SLC35G5: variants seen among roughly 807,000 people sequenced by gnomAD.
SLC35G5 encodes the protein acyl-malonyl condensing enzyme 1-like 2.
SLC35G5 carries 14 observed loss-of-function variants against 17.6 expected under a neutral mutation model. That is an observed-to-expected ratio of 0.79 (90% CI 0.52 to 1.24). The LOEUF is 1.24. Ranked by LOEUF, SLC35G5 falls within the 50% of genes most tolerant of loss-of-function variation. The pLI is 0.00. For synonymous variants in SLC35G5, 236 were observed against 194.9 expected (o/e 1.21, Z -1.76); for missense variants, 541 against 430.3 (o/e 1.26, Z -2.28).
At position 11,332,293 on chromosome 8, in the gene SLC35G5, A is replaced by G; in HGVS notation, c.*170A>G. On this transcript the variant is annotated 3_prime_UTR_variant, in exon 1 of 1. Transcript: ENST00000382435. ...ATTGAGATGTTCAGTTATAATAAAA[A>G]TATCACAAAGCATGCAAACAAATGA... 8.7e-7 allele frequency: 1 copy of G among 1,151,048 alleles called. No homozygotes were observed. Among genetic ancestry groups the G allele is most frequent in the South Asian group, 2.1e-5 (1 of 46,922 alleles). 71.3% of individuals were successfully genotyped at this position (1,151,048 alleles called of 1,614,324 possible).
In SLC35G5 at chr8:11,332,119, A is replaced by T. The variant is rs778501917; in HGVS notation, c.1013A>T (p.Glu338Val). 4 of 1,611,804 alleles carry T rather than the reference A, an allele frequency of 2.5e-6. No individual in the cohort carries two copies. The South Asian group carries it at 4.4e-5, about 18-fold the overall frequency. The change falls in exon 1 of 1, where the codon GAG becomes GTG. Residue 338 changes from glutamate to valine, a missense_variant. Glu to Val is a moderately radical substitution (Grantham distance 121). Coordinates refer to ENST00000382435, the MANE Select transcript of SLC35G5 (RefSeq NM_054028.2). ...TGTGAGAGGACAGGGAAGGTGGAGG[A>T]GTGAGATAGAACTTGGGAGCCCGGG... The part of the protein sequence containing the change: ...LSCERTGKVE[E>V]
chr8:11,332,026 T>C lies in SLC35G5; in HGVS notation c.920T>C (p.Leu307Pro), dbSNP rs12681991. 758,314 of 1,560,850 alleles carry C rather than the reference T, an allele frequency of 0.49. 184,105 individuals carry two copies. The highest frequency in any genetic ancestry group is 0.73 in the East Asian group (32,081 of 44,212). ...QYYMLHETVA[L>P]SDIMGAGVVL... The stretch of plus-strand genomic sequence containing the variant: ...TATATGCTCCATGAGACTGTGGCAC[T>C]TTCTGACATCATGGGGGCAGGGGTT... Residue 307 changes from leucine (L) to proline (P), a missense_variant, in exon 1 of 1, where the codon CTT (leucine) becomes CCT (proline). By Grantham distance (98) the Leu-to-Pro change is moderately conservative. Coordinates refer to ENST00000382435, the MANE Select transcript of SLC35G5 (RefSeq NM_054028.2).
rs74302405 is a variant in SLC35G5 at position 11,332,197 on chromosome 8, T to G, written c.*74T>G. The G allele has an allele frequency of 0.047, 70,785 of 1,512,292 alleles. 3,384 individuals carry two copies. Among genetic ancestry groups the G allele is most frequent in the Admixed American group, 0.25 (10,403 of 41,680 alleles). The allele number at this position is 1,512,292 out of a possible 1,614,324, so 93.7% of individuals were successfully genotyped here. A position where few individuals can be genotyped will look rare whatever the true frequency, so the allele number is the denominator to read the frequency against. On this transcript the variant is annotated 3_prime_UTR_variant, in exon 1 of 1. Transcript: ENST00000382435. ...ACAAAGACTGAAGACAAAAAAAAAA[T>G]AAAAGAAAAAAAATAATTATAATAA...
chr8:11,332,254 T>C lies in SLC35G5; in HGVS notation c.*131T>C, dbSNP rs1801267226. The C allele has an allele frequency of 1.5e-6, 2 of 1,369,846 alleles. No homozygotes were observed. The highest frequency in any genetic ancestry group is 2.5e-5 in the East Asian group (1 of 39,770). 84.9% of individuals were successfully genotyped at this position (1,369,846 alleles called of 1,614,324 possible). A position where few individuals can be genotyped will look rare whatever the true frequency, so the allele number is the denominator to read the frequency against. On this transcript the variant is annotated 3_prime_UTR_variant, in exon 1 of 1. Transcript: ENST00000382435. ...GGAAAGAGTGAAAGTCTAACTTCCA[T>C]AGCACATTATAATATTGAGATGTTC...
rs200249821 is a variant in SLC35G5, at chr8:11,331,179, C to G, written c.73C>G (p.Leu25Val). 6.2e-7 allele frequency: 1 copy of G among 1,613,600 alleles called. No homozygotes were observed. Among genetic ancestry groups the G allele is most frequent in the Admixed American group, 1.7e-5 (1 of 59,950 alleles). ...ATCGCCGCCCTCCGCTCCACCCAGC[C>G]TCCGCTGGCACCAGCGCTGCCAGCC... ...HPSPPSAPPS[L>V]RWHQRCQPSG... The change falls in exon 1 of 1, where the codon CTC becomes GTC. Residue 25 changes from leucine (L) to valine (V), a missense_variant. Leu to Val is a conservative substitution (Grantham distance 32). Coordinates refer to ENST00000382435, the MANE Select transcript of SLC35G5 (RefSeq NM_054028.2).
In SLC35G5 at chr8:11,331,644, CT is replaced by C; in HGVS notation, c.539del (p.Leu180HisfsTer72). Reference protein sequence around the residue: ...IIILGPGLWTLQEGTTGVYTT... With the variant: ...IIILGPGLWTXQEGTTGVYTT... ...CATTCTGGGACCTGGACTCTGGACA[CT>C]ACAGGAGGGGACCACAGGTGTCTAC... On this transcript the variant is annotated frameshift_variant, in exon 1 of 1. Transcript: ENST00000382435. LOFTEE classifies it high-confidence loss of function. 3.1e-6 allele frequency: 5 copies of C among 1,612,216 alleles called. No individual in the cohort carries two copies. The highest frequency in any genetic ancestry group is 1.3e-5 in the African/African-American group (1 of 74,830).
Position 11,331,817 on chromosome 8 carries a change from C to T in SLC35G5, c.711C>T (p.Gly237=). 4 of 1,611,882 alleles carry T rather than the reference C, an allele frequency of 2.5e-6. No homozygotes were observed. Among genetic ancestry groups the T allele is most frequent in the Non-Finnish European group, 3.4e-6 (4 of 1,179,822 alleles). Residue 237 remains glycine (G), a synonymous_variant, in exon 1 of 1, where the codon GGC becomes GGT. Coordinates refer to ENST00000382435, the MANE Select transcript of SLC35G5 (RefSeq NM_054028.2). ...TGGGGCTGCTGGGCTGTGTGCCAGGCCTCTTTGTGCTGCAGACCCCCGTGT... is the reference window on the plus strand; with the variant it reads ...TGGGGCTGCTGGGCTGTGTGCCAGGTCTCTTTGTGCTGCAGACCCCCGTGT... ...GLVGLLGCVP[G]LFVLQTPVLP...
Position 11,331,962 on chromosome 8 carries a change from C to G in SLC35G5, c.856C>G (p.Leu286Val). The change falls in exon 1 of 1, where the codon CTG becomes GTG. Residue 286 changes from leucine to valine, a missense_variant. Leu to Val is a conservative substitution (Grantham distance 32). Transcript: ENST00000382435. ...KAHPALVCAV[L>V]HSEVVVALIL... ...CCACCCTGCCCTGGTGTGCGCTGTCCTGCATTCCGAGGTGGTTGTGGCCCT... is the reference window on the plus strand; with the variant it reads ...CCACCCTGCCCTGGTGTGCGCTGTCGTGCATTCCGAGGTGGTTGTGGCCCT... The G allele has an allele frequency of 6.2e-7, 1 of 1,612,020 alleles. No individual in the cohort carries two copies.
Position 11,332,213 on chromosome 8 carries a change from A to G in SLC35G5, c.*90A>G. On this transcript the variant is annotated 3_prime_UTR_variant, in exon 1 of 1. Transcript: ENST00000382435. ...AAAAAAAAATAAAAGAAAAAAAATA[A>G]TTATAATAAATCCTAGGAAAGAGTG... 1 of 1,495,968 alleles carries G rather than the reference A, an allele frequency of 6.7e-7. No homozygotes were observed. Among genetic ancestry groups the G allele is most frequent in the Non-Finnish European group, 8.9e-7 (1 of 1,122,596 alleles). The allele number at this position is 1,495,968 out of a possible 1,614,324, so 92.7% of individuals were successfully genotyped here.
rs769552963 is a variant in SLC35G5 at position 11,331,967 on chromosome 8, T to A, written c.861T>A (p.His287Gln). 5 of 1,612,018 alleles carry A rather than the reference T, an allele frequency of 3.1e-6. No individual in the cohort carries two copies. Among genetic ancestry groups the A allele is most frequent in the Non-Finnish European group, 4.2e-6 (5 of 1,179,842 alleles). Residue 287 changes from histidine (H) to glutamine (Q), a missense_variant, in exon 1 of 1, where the codon CAT (histidine) becomes CAA (glutamine). Transcript: ENST00000382435. The stretch of plus-strand genomic sequence containing the variant: ...CTGCCCTGGTGTGCGCTGTCCTGCA[T>A]TCCGAGGTGGTTGTGGCCCTTATAC... ...AHPALVCAVL[H>Q]SEVVVALILQ...
chr8:11,331,325 C>A lies in SLC35G5; in HGVS notation c.219C>A (p.Leu73=). 1.2e-6 allele frequency: 2 copies of A among 1,613,978 alleles called. No homozygotes were observed. The highest frequency in any genetic ancestry group is 8.5e-7 in the Non-Finnish European group (1 of 1,179,860). ...CCAACCTGCCCTCGCTGGAGCTGCT[C>A]ATCTGTCGATGCCTCTTCCACCTCC... The part of the protein sequence containing the change: ...QGSNLPSLEL[L]ICRCLFHLPI... The change falls in exon 1 of 1, where the codon CTC becomes CTA. Residue 73 remains leucine, a synonymous_variant. Transcript: ENST00000382435.
chr8:11,332,049 G>T lies in SLC35G5; in HGVS notation c.943G>T (p.Val315Phe), dbSNP rs1332289805. ...ACTTTCTGACATCATGGGGGCAGGG[G>T]TTGTGCTGGGCAGCATTGCCATCAT... ...VALSDIMGAG[V>F]VLGSIAIITA... is the part of the protein sequence containing the mutation. The change falls in exon 1 of 1, where the codon GTT (valine) becomes TTT (phenylalanine). Residue 315 changes from valine (V) to phenylalanine (F), a missense_variant. Val to Phe is a conservative substitution (Grantham distance 50). Coordinates refer to ENST00000382435, the MANE Select transcript of SLC35G5 (RefSeq NM_054028.2). 42 of 1,611,858 alleles carry T rather than the reference G, an allele frequency of 2.6e-5. No homozygotes were observed. Among genetic ancestry groups the T allele is most frequent in the Non-Finnish European group, 3.5e-5 (41 of 1,179,834 alleles).
In SLC35G5 at chr8:11,331,067, G is replaced by A; in HGVS notation, c.-40G>A. Reference sequence around the variant, plus strand: ...ATGGCTGGAGCTCTGAGGGGCCCAGGCTCCCTGAGCCAGGAGGAGAGGAGA... The same window carrying A: ...ATGGCTGGAGCTCTGAGGGGCCCAGACTCCCTGAGCCAGGAGGAGAGGAGA... On this transcript the variant is annotated 5_prime_UTR_variant, in exon 1 of 1. Transcript: ENST00000382435. The A allele has an allele frequency of 1.3e-6, 2 of 1,556,450 alleles. No individual in the cohort carries two copies. The highest frequency in any genetic ancestry group is 1.7e-6 in the Non-Finnish European group (2 of 1,154,832).
Position 11,331,026 on chromosome 8 carries a change from C to T in SLC35G5, c.-81C>T, listed in dbSNP as rs1389897220. ...GTTCCAGGGAAGAACCCCACCCGCA[C>T]TCCAATGAGGTCACAATGGCTGGAG... On this transcript the variant is annotated 5_prime_UTR_variant, in exon 1 of 1. Transcript: ENST00000382435. The T allele has an allele frequency of 6.6e-7, 1 of 1,514,296 alleles. No homozygotes were observed. The highest frequency in any genetic ancestry group is 1.4e-5 in the African/African-American group (1 of 71,636). The allele number at this position is 1,514,296 out of a possible 1,614,324, so 93.8% of individuals were successfully genotyped here.
rs1470021975 is a variant in SLC35G5 at position 11,331,772 on chromosome 8, G to A, written c.666G>A (p.Val222=). 1 of 1,611,712 alleles carries A rather than the reference G, an allele frequency of 6.2e-7. No homozygotes were observed. The highest frequency in any genetic ancestry group is 1.7e-5 in the Admixed American group (1 of 59,994). ...SLHFPSCLPT[V]AFLSGLVGLL... Reference sequence around the variant, plus strand: ...ACTTTCCCTCCTGCCTCCCAACAGTGGCCTTCCTATCTGGCTTGGTGGGGC... The same window carrying A: ...ACTTTCCCTCCTGCCTCCCAACAGTAGCCTTCCTATCTGGCTTGGTGGGGC... The change falls in exon 1 of 1, where the codon GTG becomes GTA. Residue 222 remains valine (V), a synonymous_variant. Coordinates refer to ENST00000382435, the MANE Select transcript of SLC35G5 (RefSeq NM_054028.2).
rs1194967495 is a variant in SLC35G5, at chr8:11,332,284, A to G, written c.*161A>G. 5 of 1,187,528 alleles carry G rather than the reference A, an allele frequency of 4.2e-6. No individual in the cohort carries two copies. Among genetic ancestry groups the G allele is most frequent in the Non-Finnish European group, 4.5e-6 (4 of 887,766 alleles). 73.6% of individuals were successfully genotyped at this position (1,187,528 alleles called of 1,614,324 possible). Reference sequence around the variant, plus strand: ...CATTATAATATTGAGATGTTCAGTTATAATAAAAATATCACAAAGCATGCA... The same window carrying G: ...CATTATAATATTGAGATGTTCAGTTGTAATAAAAATATCACAAAGCATGCA... On this transcript the variant is annotated 3_prime_UTR_variant, in exon 1 of 1. Coordinates refer to ENST00000382435, the MANE Select transcript of SLC35G5 (RefSeq NM_054028.2).
Position 11,331,190 on chromosome 8 carries a change from C to G in SLC35G5, c.84C>G (p.His28Gln). The change falls in exon 1 of 1, where the codon CAC (histidine) becomes CAG (glutamine). Residue 28 changes from histidine to glutamine, a missense_variant. His to Gln is a conservative substitution (Grantham distance 24, BLOSUM62 0). Coordinates refer to ENST00000382435, the MANE Select transcript of SLC35G5 (RefSeq NM_054028.2). ...PPSAPPSLRW[H>Q]QRCQPSGATN... The stretch of plus-strand genomic sequence containing the variant: ...CCGCTCCACCCAGCCTCCGCTGGCA[C>G]CAGCGCTGCCAGCCCTCTGGTGCCA... The G allele has an allele frequency of 6.2e-7, 1 of 1,613,900 alleles. No individual in the cohort carries two copies. The highest frequency in any genetic ancestry group is 8.5e-7 in the Non-Finnish European group (1 of 1,179,966).
Position 11,331,270 on chromosome 8 carries a change from G to T in SLC35G5, c.164G>T (p.Gly55Val). The T allele has an allele frequency of 6.2e-7, 1 of 1,613,926 alleles. No individual in the cohort carries two copies. Among genetic ancestry groups the T allele is most frequent in the South Asian group, 1.1e-5 (1 of 91,072 alleles). ...GGGGGCCTGCCTGCTGGCTTCGTGG[G>T]CCCCCTTTCTCGTATGGCTTACCAG... Reference protein sequence around the residue: ...LGGGLPAGFVGPLSRMAYQGS... With the variant: ...LGGGLPAGFVVPLSRMAYQGS... Residue 55 changes from glycine to valine, a missense_variant, in exon 1 of 1, where the codon GGC (glycine) becomes GTC (valine). Physicochemically the swap from Gly to Val is moderately radical, Grantham distance 109 (BLOSUM62 -3). Coordinates refer to ENST00000382435, the MANE Select transcript of SLC35G5 (RefSeq NM_054028.2).
rs191345248 is a variant in SLC35G5 at position 11,331,577 on chromosome 8, C to T, written c.471C>T (p.Tyr157=). The T allele has an allele frequency of 4.8e-5, 78 of 1,613,288 alleles. No individual in the cohort carries two copies. In the East Asian group the frequency reaches 1.2e-3, roughly 24 times the overall value. Residue 157 remains tyrosine, a synonymous_variant, in exon 1 of 1, where the codon TAC becomes TAT. Transcript: ENST00000382435. ...TTGAGAGCCAGGGTCTCGGTGGCTA[C>T]GAGTGGTGTGGACTGTTGGGCAGCA... ...LCLESQGLGG[Y]EWCGLLGSIL...
Sources: allele counts gnomAD v4.1 joint callset, GRCh38; gene constraint gnomAD v4.1.1; transcripts MANE v1.5; gene names NCBI Gene and HGNC (gene_info 2026-07-23, HGNC 2026-07-21).